Variants in RNF216 observed in about 807,000 individuals in gnomAD.
RNF216 encodes E3 ubiquitin-protein ligase RNF216.
In RNF216, 72 loss-of-function variants were observed where a neutral mutation model predicts 110.8. The ratio of observed to expected loss-of-function variants is 0.65; its 90% CI spans 0.54 to 0.79. RNF216 has a LOEUF of 0.79. Ranked by LOEUF, RNF216 falls within the 30% of genes least tolerant of loss-of-function variation. The pLI is 0.00. For missense variants in RNF216, 1,342 were observed against 1,141.2 expected, an observed-to-expected ratio of 1.18 and a Z score of -2.54; for synonymous variants, 495 against 407.5, an observed-to-expected ratio of 1.21 and a Z score of -2.59.
At chr7:5,761,844 G>T (rs557289147) in intron 1 of RNF216, among the ~76,000 whole-genome samples, 1 of 152,058 alleles carries the variant, frequency 6.6e-6, no homozygotes, top group African/African-American at 2.4e-5. Flanking sequence ...AGGCAAGTAT[G>T]TAAGACATGG....
At chr7:5,731,758 C>T (rs189792392) in intron 5 of RNF216, among the ~76,000 whole-genome samples, 1 of 151,478 alleles carries the variant, frequency 6.6e-6, no homozygotes, top group Admixed American at 6.5e-5. Flanking sequence ...TTCTCACACA[C>T]TTCCCTTTCT....
At chr7:5,708,649 TG>T (rs1436219126) in intron 13 of RNF216, among the ~76,000 whole-genome samples, 1 of 152,210 alleles carries the variant, frequency 6.6e-6, no homozygotes, top group Non-Finnish European at 1.5e-5. Context: ...CTCAGGCTTT[TG>T]TTTTCCTTTT....
intron 1 of RNF216, among the ~76,000 whole-genome samples, chr7:5,761,766 A>G (rs915036537): frequency 6.6e-6 from 1 of 151,918 alleles, no homozygotes; most frequent in African/African-American, 2.4e-5. Flanking sequence ...AGCCTGGGCA[A>G]CAGAGTGAGA....
intron 8 of RNF216, among the ~76,000 whole-genome samples, chr7:5,723,584 T>A (rs1373379968): frequency 2.0e-5 from 3 of 151,696 alleles, no homozygotes; most frequent in Non-Finnish European, 2.9e-5. Context: ...GAGGCGGAGT[T>A]TGCAGTGAGC....
At chr7:5,697,708 G>C (rs1034414342) in intron 13 of RNF216, among the ~76,000 whole-genome samples, 1 of 152,188 alleles carries the variant, frequency 6.6e-6, no homozygotes, top group African/African-American at 2.4e-5. Flanking sequence ...ATCTTTACAA[G>C]CAATTTGAGG....
At chr7:5,768,472 T>C (rs141127587) in intron 1 of RNF216, among the ~76,000 whole-genome samples, 13 of 151,376 alleles carry the variant, frequency 8.6e-5, no homozygotes, top group African/African-American at 2.7e-4. Flanking sequence ...ATCAAAGAGC[T>C]TGACCTAACT....
chr7:5,704,383 A>G lies in RNF216; in HGVS notation c.2061+7378T>C, dbSNP rs146506071. 1.4e-4 allele frequency among the ~76,000 whole-genome samples: 22 copies of G among 152,332 alleles called. No homozygotes were observed. In the East Asian group the frequency reaches 2.3e-3, roughly 16 times the overall value. On this transcript the variant is annotated intron_variant, in intron 13 of 16. Coordinates refer to ENST00000389902, the MANE Select transcript of RNF216 (RefSeq NM_207111.4). ...AATTAGCTTGTGGCTCATGTCTTAA[A>G]TATCAGGAATCCTCAAGGATTAGCG...
intron 14 of RNF216, among the ~76,000 whole-genome samples, chr7:5,644,133 G>C (rs1245394954): frequency 6.6e-6 from 1 of 152,166 alleles, no homozygotes; most frequent in Non-Finnish European, 1.5e-5. Context: ...GTGAATTGTG[G>C]TTAAATGAAC....
chr7:5,679,368 A>G (rs1790508775), intron 13 of RNF216, among the ~76,000 whole-genome samples: 1 of 152,260 alleles, frequency 6.6e-6, no homozygotes, highest in Non-Finnish European at 1.5e-5. Context: ...AGAATGGTGC[A>G]GAACAGGGCA....
At chr7:5,628,865 A>G (rs533096027) in intron 15 of RNF216, among the ~76,000 whole-genome samples, 3 of 152,224 alleles carry the variant, frequency 2.0e-5, no homozygotes, top group African/African-American at 4.8e-5. Flanking sequence ...TCCTTCCACA[A>G]TCAGTTTCTC....
chr7:5,680,615 G>A lies in RNF216; in HGVS notation c.2062-28105C>T, dbSNP rs1416405738. Among the ~76,000 whole-genome samples, 1 of 152,060 alleles carries A rather than the reference G, an allele frequency of 6.6e-6. No homozygotes were observed. Among genetic ancestry groups the A allele is most frequent in the Non-Finnish European group, 1.5e-5 (1 of 68,018 alleles). ...GACGGGGTTTCACCATGTTGGCCAG[G>A]ATGGTCTCGATCTCCTGACCTTGTG... On this transcript the variant is annotated intron_variant, in intron 13 of 16. Transcript: ENST00000389902. This position sits in a 1 kb window ranked among gnomAD's most constrained non-coding sequence, Gnocchi z 4.3.
intron 13 of RNF216, among the ~76,000 whole-genome samples, chr7:5,656,164 G>C (rs182463095): frequency 6.8e-4 from 104 of 152,298 alleles, no homozygotes; most frequent in African/African-American, 2.1e-3. Context: ...AGCTACTCTG[G>C]AAGCTGAGAC....
intron 4 of RNF216, among the ~76,000 whole-genome samples, chr7:5,740,183 G>A (rs1794679230): frequency 7.2e-6 from 1 of 138,602 alleles, no homozygotes; most frequent in Non-Finnish European, 1.5e-5. Flanking sequence ...CTGGAGTGCA[G>A]TGGCACGATC....
chr7:5,624,269 C>T lies in RNF216; in HGVS notation c.2383-144G>A. On this transcript the variant is annotated intron_variant, in intron 15 of 16. Coordinates refer to ENST00000389902, the MANE Select transcript of RNF216 (RefSeq NM_207111.4). This position sits in a 1 kb window ranked among gnomAD's most constrained non-coding sequence, Gnocchi z 4.4. ...TGGCCAGTGGGGCCTGGGCTGCACA[C>T]CGTTCCTTCCTATTTCCCCGAAGGC... The T allele has an allele frequency of 1.5e-6, 1 of 651,744 alleles. No individual in the cohort carries two copies. Among genetic ancestry groups the T allele is most frequent in the East Asian group, 2.7e-5 (1 of 36,718 alleles). The allele number at this position is 651,744 out of a possible 1,614,324, so 40.4% of individuals were successfully genotyped here. A position where few individuals can be genotyped will look rare whatever the true frequency, so the allele number is the denominator to read the frequency against.
chr7:5,699,138 C>T (rs1013106850), intron 13 of RNF216, among the ~76,000 whole-genome samples: 8 of 152,016 alleles, frequency 5.3e-5, no homozygotes, highest in African/African-American at 1.9e-4. Context: ...TAATAATGAT[C>T]GACTCATAAC....
At chr7:5,723,971 C>T (rs1793601892) in intron 8 of RNF216, among the ~76,000 whole-genome samples, 1 of 152,142 alleles carries the variant, frequency 6.6e-6, no homozygotes, top group Non-Finnish European at 1.5e-5. Context: ...TCAAGATTAT[C>T]TGATAAGTAA....
At chr7:5,662,831 C>A (rs1789234764) in intron 13 of RNF216, among the ~76,000 whole-genome samples, 1 of 152,064 alleles carries the variant, frequency 6.6e-6, no homozygotes, top group Admixed American at 6.6e-5. Flanking sequence ...ACTGGTTTGT[C>A]AGGGAAGGCT....
chr7:5,697,436 A>G (rs1791698708), intron 13 of RNF216, among the ~76,000 whole-genome samples: 1 of 152,262 alleles, frequency 6.6e-6, no homozygotes, highest in Admixed American at 6.5e-5. Context: ...GGCAGATGAC[A>G]GGCAGCTGGT....
intron 4 of RNF216, among the ~76,000 whole-genome samples, 177 bp downstream of exon 4, chr7:5,740,796 C>A (rs1584548722): frequency 6.6e-6 from 1 of 151,936 alleles, no homozygotes; most frequent in East Asian, 1.9e-4. Flanking sequence ...GTAAAGGAAC[C>A]CTGATTCCAT....
Sources: allele counts gnomAD v4.1 joint callset (sites outside exome capture counted in the v4.1 genomes callset), GRCh38; gene constraint gnomAD v4.1.1; non-coding constraint Gnocchi (gnomAD v3.1); transcripts MANE v1.5; gene names NCBI Gene and HGNC (gene_info 2026-07-23, HGNC 2026-07-21).